The following PATJ variants were observed in gnomAD, a reference collection of about 807,000 sequenced individuals.
The protein encoded by PATJ is inaD-like protein.
A neutral mutation model predicts 224.9 loss-of-function variants in PATJ; 190 were observed. The observed-to-expected ratio is 0.84, with a 90% CI of 0.75 to 0.95. The LOEUF is 0.95. Among genes scored for constraint, PATJ ranks in the 40% least tolerant of loss-of-function variants. PATJ has a pLI of 0.00. For missense variants in PATJ, 2,121 were observed against 2,270.3 expected (o/e 0.93, Z 1.34); for synonymous variants, 769 against 820.3 (o/e 0.94, Z 1.07).
rs532331750 is a variant in PATJ, at chr1:62,140,427, C to T, written c.5272-7857C>T. ...CAGCACTTTGGGAGGCCGAGGCAGG[C>T]GGATTACTTGAGGTCAGGAGTTTGA... On this transcript the variant is annotated intron_variant, in intron 41 of 43. Transcript: ENST00000642238. Among the ~76,000 whole-genome samples, 12 of 152,146 alleles carry T rather than the reference C, an allele frequency of 7.9e-5. 1 individual carries two copies. Among genetic ancestry groups the T allele is most frequent in the African/African-American group, 2.6e-4 (11 of 41,520 alleles).
At chr1:61,759,505 G>A (rs868734091) in intron 1 of PATJ, among the ~76,000 whole-genome samples, 1 of 150,366 alleles carries the variant, frequency 6.7e-6, no homozygotes, top group Non-Finnish European at 1.5e-5. Context: ...CACCTCCTGC[G>A]TTCAAGTGAT....
chr1:62,089,409 G>A (rs539852976), intron 33 of PATJ, among the ~76,000 whole-genome samples: 2 of 151,456 alleles, frequency 1.3e-5, no homozygotes, highest in African/African-American at 4.8e-5. Context: ...AAAATCAAGA[G>A]CTTCTTGAGG....
intron 37 of PATJ, 21 bp from the exon 38 acceptor site, chr1:62,121,160 A>C: frequency 1.3e-6 from 2 of 1,517,930 alleles, no homozygotes; most frequent in Middle Eastern, 1.7e-4. Flanking sequence ...CACACAGGTG[A>C]CCCCTGGGTC....
At chr1:61,970,111 G>A (rs1230971627) in intron 27 of PATJ, among the ~76,000 whole-genome samples, 1 of 148,514 alleles carries the variant, frequency 6.7e-6, no homozygotes, top group Non-Finnish European at 1.5e-5. Context: ...CTGTGCTCTT[G>A]GTATCATATC....
chr1:62,141,435 G>A (rs1055047858), intron 41 of PATJ, among the ~76,000 whole-genome samples: 2 of 152,184 alleles, frequency 1.3e-5, no homozygotes, highest in African/African-American at 4.8e-5. Flanking sequence ...AGCACTTTGG[G>A]AGGCCGAGAT....
chr1:61,805,183 C>G (rs947514244), intron 12 of PATJ, among the ~76,000 whole-genome samples: 4 of 152,154 alleles, frequency 2.6e-5, no homozygotes, highest in African/African-American at 9.7e-5. Context: ...TAACTCATCA[C>G]GTCCTCTTTC....
intron 41 of PATJ, 121 bp from the exon 42 acceptor site, chr1:62,148,163 G>T: frequency 6.5e-6 from 3 of 458,978 alleles, no homozygotes; most frequent in Admixed American, 6.8e-5. Flanking sequence ...TAGTCCTTGT[G>T]TCAAATGGTC....
intron 20 of PATJ, among the ~76,000 whole-genome samples, chr1:61,866,430 T>C (rs886510611): frequency 2.6e-5 from 4 of 152,204 alleles, no homozygotes; most frequent in Non-Finnish European, 5.9e-5. Context: ...TTTAATTATA[T>C]AATTTTATTT....
chr1:62,121,033 G>T, intron 37 of PATJ, 148 bp from the exon 38 acceptor site: 2 of 563,758 alleles, frequency 3.5e-6, no homozygotes, highest in East Asian at 3.0e-5. Flanking sequence ...AATAGTGTGG[G>T]TGATTTTTGT....
At chr1:61,781,530 A>G (rs1289631866) in intron 7 of PATJ, among the ~76,000 whole-genome samples, 1 of 152,140 alleles carries the variant, frequency 6.6e-6, no homozygotes, top group Non-Finnish European at 1.5e-5. Context: ...TGTGGTATAC[A>G]CCCTCCCTAT....
chr1:61,791,482 T>G (rs753098529), intron 9 of PATJ, 35 bp downstream of exon 9: 3 of 1,295,818 alleles, frequency 2.3e-6, no homozygotes, highest in East Asian at 2.3e-5. Flanking sequence ...ATTTGGAAAT[T>G]GTAAAGGATG....
At chr1:61,936,390 C>G (rs112412191) in intron 27 of PATJ, among the ~76,000 whole-genome samples, 8 of 146,292 alleles carry the variant, frequency 5.5e-5, no homozygotes, top group African/African-American at 2.0e-4. Flanking sequence ...TCCTCAAGAA[C>G]CTAGCAATGC....
At chr1:62,144,795 T>TATATATATAA (rs1558231544) in intron 41 of PATJ, among the ~76,000 whole-genome samples, 2 of 146,304 alleles carry the variant, frequency 1.4e-5, no homozygotes, top group South Asian at 4.3e-4. Context: ...TATATATATA[T>TATATATATAA]AATTAGCAGA....
At chr1:61,844,985 CAGGT>C (rs1280019652) in intron 17 of PATJ, among the ~76,000 whole-genome samples, 1 of 152,094 alleles carries the variant, frequency 6.6e-6, no homozygotes, top group East Asian at 1.9e-4. Context: ...TACCCAGTCT[CAGGT>C]AGTTCTTTAG....
chr1:61,826,069 A>G (rs969608514), intron 15 of PATJ, among the ~76,000 whole-genome samples: 3 of 152,154 alleles, frequency 2.0e-5, no homozygotes, highest in Non-Finnish European at 4.4e-5. Flanking sequence ...AGACCTCTTC[A>G]TTTGTCATGA....
At chr1:61,890,366 C>A (rs1669437949) in intron 22 of PATJ, among the ~76,000 whole-genome samples, 1 of 152,188 alleles carries the variant, frequency 6.6e-6, no homozygotes, top group African/African-American at 2.4e-5. Flanking sequence ...GTAGTCCTAA[C>A]TATTCTGGGG....
Position 62,032,293 on chromosome 1 carries a change from G to T in PATJ, c.3960-5684G>T, listed in dbSNP as rs1269578425. Among the ~76,000 whole-genome samples, 3 of 149,322 alleles carry T rather than the reference G, an allele frequency of 2.0e-5. No homozygotes were observed. In the South Asian group the frequency reaches 6.4e-4, roughly 32 times the overall value. On this transcript the variant is annotated intron_variant, in intron 29 of 43. Coordinates refer to ENST00000642238, the MANE Select transcript of PATJ (RefSeq NM_001350145.3). ...CCCCTCCATCCTGAAGCAAACAATG[G>T]TGCTTCCAATCTCTGACTTCCTAGG...
chr1:61,927,634 A>C (rs1675407818), intron 26 of PATJ, 96 bp from the exon 27 acceptor site: 1 of 753,138 alleles, frequency 1.3e-6, no homozygotes, highest in East Asian at 2.6e-5. Context: ...GGTATGGTCT[A>C]AATATTTCCA....
chr1:61,803,349 T>A (rs1294662), intron 12 of PATJ, among the ~76,000 whole-genome samples: 12,231 of 152,192 alleles, frequency 0.08, 668 homozygotes, highest in Non-Finnish European at 0.12. Flanking sequence ...TTTATACAAT[T>A]TGCACTCAAC....
Sources: gnomAD v4.1 joint callset for allele counts (sites outside exome capture counted in the v4.1 genomes callset) on GRCh38, gnomAD v4.1.1 for gene constraint, MANE v1.5 for transcripts, NCBI Gene and HGNC (gene_info 2026-07-23, HGNC 2026-07-21) for gene names.